The following UEVLD variants were observed in gnomAD, a reference collection of about 807,000 sequenced individuals.
UEVLD encodes the protein ubiquitin-conjugating enzyme E2 variant 3.
A neutral mutation model predicts 58.6 loss-of-function variants in UEVLD; 47 were observed. The observed-to-expected ratio is 0.80, with a 90% CI of 0.63 to 1.02. The LOEUF is 1.02. UEVLD is among the 50% of genes least tolerant of loss of function. The pLI is 0.00. For synonymous variants in UEVLD, 197 were observed against 195.3 expected (o/e 1.01, Z -0.07); for missense variants, 510 against 550.6 (o/e 0.93, Z 0.74).
In UEVLD at chr11:18,546,983, C is replaced by T. The variant is rs572913668; in HGVS notation, c.783G>A (p.Ser261=). The T allele has an allele frequency of 2.7e-5, 43 of 1,614,008 alleles. 1 individual carries two copies. The highest frequency in any genetic ancestry group is 1.3e-4 in the Admixed American group (8 of 59,998). Residue 261 remains serine, a synonymous_variant, in exon 8 of 12, where the codon TCG becomes TCA. Transcript: ENST00000396197. ...FTVNSLGSSQ[S]YLDVVQSNVD... ...CATTGCTCTGTACCACATCAAGGTA[C>T]GACTGAGAACTACCCAAAGAGTTGA... is the stretch of plus-strand genomic sequence containing the variant.
At chr11:18,544,905 T>A in intron 8 of UEVLD, 109 bp from the exon 9 acceptor site, 1 of 649,336 alleles carries the variant, frequency 1.5e-6, no homozygotes, top group Non-Finnish European at 2.4e-6. Flanking sequence ...CTCAATGCAC[T>A]GAGGCATTAT....
At position 18,546,790 on chromosome 11, in the gene UEVLD, C is replaced by T. The variant is rs1019091858; in HGVS notation, c.886+90G>A. The T allele has an allele frequency of 5.5e-6, 8 of 1,456,802 alleles. No individual in the cohort carries two copies. In the Admixed American group the frequency reaches 6.5e-5, roughly 12 times the overall value. 90.2% of individuals were successfully genotyped at this position (1,456,802 alleles called of 1,614,324 possible). On this transcript the variant is annotated intron_variant, in intron 8 of 11. Coordinates refer to ENST00000396197, the MANE Select transcript of UEVLD (RefSeq NM_001040697.4). ...GGGATTACTGGTGTGAGCCACTGTG[C>T]CAGGCCCTAAAGTTTTATGGTTTTT...
chr11:18,537,449 G>T (rs1850856821), intron 9 of UEVLD, among the ~76,000 whole-genome samples: 1 of 150,684 alleles, frequency 6.6e-6, no homozygotes, highest in Non-Finnish European at 1.5e-5. Flanking sequence ...TCCTGCCTCA[G>T]CCTCCTGAGT....
At position 18,566,036 on chromosome 11, in the gene UEVLD, T is replaced by A. The variant is rs1245998989; in HGVS notation, c.493+311A>T. Reference sequence around the variant, plus strand: ...ACCTCAGCCACCCAAGTAGCTGGGATTACAGGCACCTGCCACCACGCCCAG... The same window carrying A: ...ACCTCAGCCACCCAAGTAGCTGGGAATACAGGCACCTGCCACCACGCCCAG... On this transcript the variant is annotated intron_variant, in intron 5 of 11. Transcript: ENST00000396197. Among the ~76,000 whole-genome samples the A allele has an allele frequency of 5.3e-5, 8 of 151,318 alleles. No individual in the cohort carries two copies. In the East Asian group the frequency reaches 1.6e-3, roughly 30 times the overall value.
At chr11:18,538,581 G>A (rs571259083) in intron 9 of UEVLD, among the ~76,000 whole-genome samples, 1 of 151,716 alleles carries the variant, frequency 6.6e-6, no homozygotes, top group African/African-American at 2.4e-5. Flanking sequence ...CCAAAGTGCT[G>A]GGATTACAGC....
At chr11:18,562,367 C>T (rs1412524895) in intron 6 of UEVLD, among the ~76,000 whole-genome samples, 3 of 151,958 alleles carry the variant, frequency 2.0e-5, no homozygotes, top group Non-Finnish European at 4.4e-5. Context: ...CATAGCGAAA[C>T]CCCCTCTCTA....
intron 1 of UEVLD, chr11:18,579,395 C>A (rs1448760987): frequency 4.1e-6 from 4 of 966,250 alleles, no homozygotes; most frequent in Admixed American, 6.2e-5. Context: ...GGACCAGAGT[C>A]TTTAATCTCT....
At chr11:18,535,451 T>C (rs1012786924) in intron 10 of UEVLD, among the ~76,000 whole-genome samples, 3 of 152,228 alleles carry the variant, frequency 2.0e-5, no homozygotes, top group Non-Finnish European at 2.9e-5. Flanking sequence ...AAATGCAGGA[T>C]TGTATAATCA....
Position 18,588,567 on chromosome 11 carries a change from C to G in UEVLD, c.42+46G>C, listed in dbSNP as rs753646993. Reference sequence around the variant, plus strand: ...ACCTGGCCAAAGGCAGAGGCACCCCCCGCAAGACCCTGAGGACCCAAACTG... The same window carrying G: ...ACCTGGCCAAAGGCAGAGGCACCCCGCGCAAGACCCTGAGGACCCAAACTG... On this transcript the variant is annotated intron_variant, in intron 1 of 11. Transcript: ENST00000396197. The G allele has an allele frequency of 1.0e-5, 16 of 1,601,946 alleles. No individual in the cohort carries two copies. The East Asian group carries it at 2.0e-4, about 20-fold the overall frequency.
Position 18,562,124 on chromosome 11 carries a change from G to A in UEVLD, c.612+2768C>T, listed in dbSNP as rs565103493. The stretch of plus-strand genomic sequence containing the variant: ...TTTTGAGACAGGGTCTCACTGTGTC[G>A]CCCAGGCTAGAGTGCAACTGCACAA... On this transcript the variant is annotated intron_variant, in intron 6 of 11. Transcript: ENST00000396197. 5.3e-5 allele frequency among the ~76,000 whole-genome samples: 8 copies of A among 152,098 alleles called. No individual in the cohort carries two copies. The South Asian group carries it at 1.7e-3, about 32-fold the overall frequency.
chr11:18,574,651 A>AC (rs1046158755), intron 3 of UEVLD, among the ~76,000 whole-genome samples: 3 of 152,148 alleles, frequency 2.0e-5, no homozygotes, highest in Non-Finnish European at 4.4e-5. Context: ...GTTTTCTTTT[A>AC]TTTTTGGGCA....
intron 10 of UEVLD, 51 bp downstream of exon 10, chr11:18,536,355 T>C: frequency 1.3e-6 from 2 of 1,528,154 alleles, no homozygotes; most frequent in Non-Finnish European, 1.8e-6. Context: ...CTGTTAGCTA[T>C]GAAGTAAATG....
At chr11:18,576,332 T>A (rs1852909012) in intron 2 of UEVLD, among the ~76,000 whole-genome samples, 1 of 151,734 alleles carries the variant, frequency 6.6e-6, no homozygotes, top group Non-Finnish European at 1.5e-5. Context: ...GCAGGTGGAT[T>A]ACTTGAGGTC....
At chr11:18,582,314 T>C (rs1853281076) in intron 1 of UEVLD, among the ~76,000 whole-genome samples, 1 of 152,082 alleles carries the variant, frequency 6.6e-6, no homozygotes, top group Non-Finnish European at 1.5e-5. Context: ...AAATATTTCA[T>C]TTGCTGTTTT....
chr11:18,566,547 G>T, intron 4 of UEVLD, 65 bp from the exon 5 acceptor site: 1 of 1,548,880 alleles, frequency 6.5e-7, no homozygotes, highest in Non-Finnish European at 8.8e-7. Flanking sequence ...TACCTTTGTT[G>T]AGGCAGGAGT....
chr11:18,539,495 T>A (rs1850967295), intron 9 of UEVLD, among the ~76,000 whole-genome samples: 1 of 152,236 alleles, frequency 6.6e-6, no homozygotes, highest in African/African-American at 2.4e-5. Flanking sequence ...TGGATTACTT[T>A]AAAAATTTGT....
chr11:18,578,696 C>T (rs1171545218), intron 2 of UEVLD, 28 bp downstream of exon 2: 2 of 1,508,646 alleles, frequency 1.3e-6, no homozygotes, highest in East Asian at 4.5e-5. Flanking sequence ...AATAATGCAG[C>T]ATTTAAACTA....
chr11:18,588,664 G>T lies in UEVLD; in HGVS notation c.-10C>A. ...CGCAGTCGAACTCCATCTCCAGGCCGGTCCCGAGCTAGGTCCCAGGACTCC... is the reference window on the plus strand; with the variant it reads ...CGCAGTCGAACTCCATCTCCAGGCCTGTCCCGAGCTAGGTCCCAGGACTCC... On this transcript the variant is annotated 5_prime_UTR_variant, in exon 1 of 12. Transcript: ENST00000396197. 2 of 1,608,246 alleles carry T rather than the reference G, an allele frequency of 1.2e-6. No homozygotes were observed. Among genetic ancestry groups the T allele is most frequent in the Non-Finnish European group, 8.5e-7 (1 of 1,179,652 alleles).
chr11:18,544,715 G>GA lies in UEVLD; in HGVS notation c.967dup (p.Ser323PhefsTer74). The GA allele has an allele frequency of 6.3e-7, 1 of 1,583,022 alleles. No individual in the cohort carries two copies. The highest frequency in any genetic ancestry group is 8.5e-7 in the Non-Finnish European group (1 of 1,169,612). ...TGTAATAATATACTGTAATCTCTGTGAATCCAGATTACATCCAATTCCGAT... is the reference window on the plus strand; with the variant it reads ...TGTAATAATATACTGTAATCTCTGTGAAATCCAGATTACATCCAATTCCGAT... On this transcript the variant is annotated frameshift_variant, in exon 9 of 12. Coordinates refer to ENST00000396197, the MANE Select transcript of UEVLD (RefSeq NM_001040697.4). LOFTEE classifies it high-confidence loss of function.
Sources: gnomAD v4.1 joint callset for allele counts (sites outside exome capture counted in the v4.1 genomes callset) on GRCh38, gnomAD v4.1.1 for gene constraint, MANE v1.5 for transcripts, NCBI Gene and HGNC (gene_info 2026-07-23, HGNC 2026-07-21) for gene names.